NNT: variants seen among roughly 807,000 people sequenced by gnomAD.
The protein encoded by NNT is nicotinamide nucleotide transhydrogenase.
NNT carries 50 observed loss-of-function variants against 104.8 expected under a neutral mutation model. The observed-to-expected ratio is 0.48, with a 90% CI of 0.38 to 0.60. The LOEUF (loss-of-function observed/expected upper bound fraction) is 0.60. Among genes scored for constraint, NNT ranks in the 20% least tolerant of loss-of-function variants. The pLI, the probability that NNT is intolerant of heterozygous loss-of-function variation, is 0.00. For missense variants in NNT, 1,131 were observed against 1,330.7 expected, an observed-to-expected ratio of 0.85 and a Z score of 2.33; for synonymous variants, 461 against 490.4, an observed-to-expected ratio of 0.94 and a Z score of 0.79.
intron 19 of NNT, among the ~76,000 whole-genome samples, chr5:43,684,159 A>G (rs1741863209): frequency 1.3e-5 from 2 of 151,956 alleles, no homozygotes; most frequent in Non-Finnish European, 2.9e-5. Context: ...GACAAGGTCT[A>G]TTATTCTGCA....
intron 17 of NNT, chr5:43,666,694 T>A (rs2112023998): frequency 1.2e-6 from 1 of 855,814 alleles, no homozygotes; most frequent in African/African-American, 1.7e-5. Context: ...CCCAGCCCCA[T>A]GCAGATGGTA....
chr5:43,677,884 G>T lies in NNT; in HGVS notation c.2876+78G>T, dbSNP rs902606449. On this transcript the variant is annotated intron_variant, in intron 19 of 21. Transcript: ENST00000344920. Reference sequence around the variant, plus strand: ...AGAAAAGGAAATACAGTGGACCCTTGAACAATGTAGGGGTTAGGGCACTGA... The same window carrying T: ...AGAAAAGGAAATACAGTGGACCCTTTAACAATGTAGGGGTTAGGGCACTGA... 4.3e-6 allele frequency: 5 copies of T among 1,159,020 alleles called. No individual in the cohort carries two copies. In the Admixed American group the frequency reaches 8.5e-5, roughly 20 times the overall value. The allele number at this position is 1,159,020 out of a possible 1,614,324, so 71.8% of individuals were successfully genotyped here.
chr5:43,671,827 G>T (rs1741111960), intron 17 of NNT, among the ~76,000 whole-genome samples: 1 of 152,066 alleles, frequency 6.6e-6, no homozygotes, highest in African/African-American at 2.4e-5. Context: ...TTGAATGTTG[G>T]CCTGCCTTGC....
chr5:43,690,090 G>C (rs960411377), intron 19 of NNT, among the ~76,000 whole-genome samples: 1 of 152,146 alleles, frequency 6.6e-6, no homozygotes, highest in Non-Finnish European at 1.5e-5. Flanking sequence ...TGGAAAACAT[G>C]TTTGAGGGAA....
chr5:43,668,010 T>C (rs558573305), intron 17 of NNT, among the ~76,000 whole-genome samples: 5 of 152,366 alleles, frequency 3.3e-5, no homozygotes, highest in Non-Finnish European at 7.3e-5. Context: ...TACATTTCTC[T>C]GATGGCCAGT....
At chr5:43,698,658 T>C (rs1053372742) in intron 19 of NNT, among the ~76,000 whole-genome samples, 18 of 152,172 alleles carry the variant, frequency 1.2e-4, no homozygotes, top group Admixed American at 8.5e-4. Flanking sequence ...AACTTAACTC[T>C]TGTTTATATC....
intron 19 of NNT, among the ~76,000 whole-genome samples, chr5:43,679,159 A>G (rs913601731): frequency 1.3e-5 from 2 of 152,212 alleles, no homozygotes; most frequent in Admixed American, 1.3e-4. Context: ...TGTGCTTTTT[A>G]AAGCCATCAT....
At chr5:43,615,627 G>A (rs1256164444) in intron 3 of NNT, among the ~76,000 whole-genome samples, 2 of 152,124 alleles carry the variant, frequency 1.3e-5, no homozygotes, top group Non-Finnish European at 2.9e-5. Flanking sequence ...AGGTGTGTGT[G>A]CCCTTTACTC....
At chr5:43,627,708 C>T (rs967105902) in intron 6 of NNT, among the ~76,000 whole-genome samples, 1 of 152,032 alleles carries the variant, frequency 6.6e-6, no homozygotes, top group Non-Finnish European at 1.5e-5. Flanking sequence ...TTTTTGCAAA[C>T]ACAATTTAAT....
At position 43,644,789 on chromosome 5, in the gene NNT, C is replaced by G. The variant is rs1454028071; in HGVS notation, c.1277C>G (p.Thr426Ser). 6.2e-7 allele frequency: 1 copy of G among 1,612,852 alleles called. No individual in the cohort carries two copies. The highest frequency in any genetic ancestry group is 2.2e-5 in the East Asian group (1 of 44,882). Residue 426 changes from threonine to serine, a missense_variant, in exon 9 of 22, where the codon ACT (threonine) becomes AGT (serine). Thr to Ser is a moderately conservative substitution (Grantham distance 58, BLOSUM62 1). Transcript: ENST00000344920. The stretch of plus-strand genomic sequence containing the variant: ...ACGATGGGTCATGTCATTAGAGGAA[C>G]TGTAGTGATGAAAGTAAGTAAAGAG... ...FGTMGHVIRG[T>S]VVMKDGKVIF...
At chr5:43,672,264 G>T (rs1741146282) in intron 17 of NNT, among the ~76,000 whole-genome samples, 1 of 152,204 alleles carries the variant, frequency 6.6e-6, no homozygotes, top group Non-Finnish European at 1.5e-5. Context: ...TGGATCGTCT[G>T]AAGCCTTCTT....
At chr5:43,631,719 C>T (rs920192967) in intron 7 of NNT, among the ~76,000 whole-genome samples, 3 of 151,988 alleles carry the variant, frequency 2.0e-5, no homozygotes, top group African/African-American at 7.2e-5. Context: ...TTCCCCTCTC[C>T]CCATAATATT....
At position 43,619,100 on chromosome 5, in the gene NNT, G is replaced by T; in HGVS notation, c.668G>T (p.Gly223Val). ...TTTACTGGTCAGATCACAGCTGCTG[G>T]AAAAGTTCCTCCAGCTAAGGTAGGT... ...RFFTGQITAA[G>V]KVPPAKILIV... Residue 223 changes from glycine (G) to valine (V), a missense_variant, in exon 5 of 22, where the codon GGA (glycine) becomes GTA (valine). By Grantham distance (109) the Gly-to-Val change is moderately radical (BLOSUM62 -3). Transcript: ENST00000344920. 6.5e-7 allele frequency: 1 copy of T among 1,548,176 alleles called. No individual in the cohort carries two copies. The highest frequency in any genetic ancestry group is 1.3e-5 in the South Asian group (1 of 75,926).
chr5:43,620,641 A>T (rs936840581), intron 5 of NNT, among the ~76,000 whole-genome samples: 7 of 151,540 alleles, frequency 4.6e-5, no homozygotes, highest in Non-Finnish European at 8.8e-5. Flanking sequence ...GTTTTGAAAA[A>T]CAGGCCAGGT....
chr5:43,659,993 A>G (rs966040434), intron 17 of NNT, among the ~76,000 whole-genome samples: 2 of 151,962 alleles, frequency 1.3e-5, no homozygotes, highest in Admixed American at 1.3e-4. Context: ...AAAAAAACTT[A>G]TATACTATAT....
chr5:43,690,452 G>C (rs1241582745), intron 19 of NNT, among the ~76,000 whole-genome samples: 1 of 152,130 alleles, frequency 6.6e-6, no homozygotes, highest in Non-Finnish European at 1.5e-5. Context: ...TGGTGGGCCT[G>C]GGGGAATTAG....
chr5:43,637,298 A>G (rs372715950), intron 7 of NNT, among the ~76,000 whole-genome samples: 3 of 152,150 alleles, frequency 2.0e-5, no homozygotes, highest in South Asian at 2.1e-4. Flanking sequence ...CATATTCTAT[A>G]TTTTACATAA....
chr5:43,696,671 G>A (rs1742574620), intron 19 of NNT, among the ~76,000 whole-genome samples: 1 of 152,222 alleles, frequency 6.6e-6, no homozygotes. Flanking sequence ...GCATCCAGGT[G>A]TTTCTATGCA....
chr5:43,665,704 C>T (rs1465697851), intron 17 of NNT, among the ~76,000 whole-genome samples: 7 of 139,622 alleles, frequency 5.0e-5, no homozygotes, highest in South Asian at 2.2e-4. Flanking sequence ...TCGACAAAAC[C>T]GCCATCGTCA....
Sources: gnomAD v4.1 joint callset for allele counts (sites outside exome capture counted in the v4.1 genomes callset) on GRCh38, gnomAD v4.1.1 for gene constraint, MANE v1.5 for transcripts, NCBI Gene and HGNC (gene_info 2026-07-23, HGNC 2026-07-21) for gene names.